Variants in ZC3H12B observed in about 807,000 individuals in gnomAD.
The protein encoded by ZC3H12B is zinc finger CCCH-type containing 12B.
Under a neutral mutation model 43.9 loss-of-function variants are expected in ZC3H12B, and 7 were observed. That is an observed-to-expected ratio of 0.16 (90% confidence interval 0.09 to 0.30). ZC3H12B has a LOEUF of 0.30. Ranked by LOEUF, ZC3H12B falls within the 10% of genes least tolerant of loss-of-function variation. ZC3H12B has a pLI of 1.00. For missense variants in ZC3H12B, 475 were observed against 670.2 expected, an observed-to-expected ratio of 0.71 and a Z score of 3.22; for synonymous variants, 222 against 241.7, an observed-to-expected ratio of 0.92 and a Z score of 0.76.
At chrX:65,468,384 A>T (rs1170122071) in intron 3 of ZC3H12B, among the ~76,000 whole-genome samples, 5 of 111,319 alleles carry the variant, frequency 4.5e-5, no homozygotes, top group Non-Finnish European at 7.5e-5. Context: ...AAGTCAGATA[A>T]TGTGATGCTT....
chrX:65,115,932 T>TAAAA, the ZC3H12B span, among the ~76,000 whole-genome samples: 25 of 111,476 alleles, frequency 2.2e-4, no homozygotes, highest in East Asian at 5.7e-4. Flanking sequence ...GAGTTCCTTT[T>TAAAA]AGATTCTTGA....
the ZC3H12B span, among the ~76,000 whole-genome samples, chrX:65,150,963 T>C: frequency 8.9e-6 from 1 of 111,978 alleles, no homozygotes; most frequent in African/African-American, 3.2e-5. Context: ...TGAGGTTTTA[T>C]TCTGATCTCT....
At chrX:65,502,366 C>T (rs1487661947) in exon 5 of ZC3H12B, 9 of 1,211,475 alleles carry the variant, frequency 7.4e-6, no homozygotes, top group Non-Finnish European at 8.9e-6. Flanking sequence ...CCAAACTGAA[C>T]ATCAACAGCA....
At chrX:65,145,760 A>T in the ZC3H12B span, among the ~76,000 whole-genome samples, 2 of 111,626 alleles carry the variant, frequency 1.8e-5, no homozygotes, top group African/African-American at 6.5e-5. Context: ...TTTGCTGGGT[A>T]CAAAATCCTT....
At chrX:65,085,287 G>T in the ZC3H12B span, among the ~76,000 whole-genome samples, 9 of 111,588 alleles carry the variant, frequency 8.1e-5, no homozygotes, top group Non-Finnish European at 1.3e-4. Flanking sequence ...GTAACACAAA[G>T]AATAAATACT....
chrX:65,289,255 A>G, the ZC3H12B span, among the ~76,000 whole-genome samples: 1 of 111,027 alleles, frequency 9.0e-6, no homozygotes, highest in Non-Finnish European at 1.9e-5. Flanking sequence ...AAAAATTCAC[A>G]TGGAACACAA....
chrX:65,436,927 T>A (rs2067228713), intron 3 of ZC3H12B, among the ~76,000 whole-genome samples: 2 of 110,735 alleles, frequency 1.8e-5, no homozygotes, highest in African/African-American at 6.6e-5. Context: ...AAATACTAGA[T>A]CTTATTCATT....
chrX:65,115,227 C>T, the ZC3H12B span, among the ~76,000 whole-genome samples: 1 of 107,958 alleles, frequency 9.3e-6, no homozygotes, highest in Non-Finnish European at 1.9e-5. Flanking sequence ...CCCGAGTCCC[C>T]AAAGTCCAAT....
At chrX:65,373,256 G>T (rs2066272539) in intron 2 of ZC3H12B, among the ~76,000 whole-genome samples, 1 of 111,940 alleles carries the variant, frequency 8.9e-6, no homozygotes, top group African/African-American at 3.2e-5. Context: ...TGCTGGAGAG[G>T]ATGTGGAGAA....
the ZC3H12B span, among the ~76,000 whole-genome samples, chrX:65,295,867 C>A: frequency 1.8e-5 from 2 of 110,901 alleles, no homozygotes; most frequent in African/African-American, 6.5e-5. Context: ...GAAATAGAAT[C>A]TCTTAACAGA....
chrX:65,155,506 CTT>C, the ZC3H12B span, among the ~76,000 whole-genome samples: 1 of 110,914 alleles, frequency 9.0e-6, no homozygotes, highest in Non-Finnish European at 1.9e-5. Flanking sequence ...GTGGGTTTTC[CTT>C]TGTCATTTAG....
chrX:65,079,201 G>A, the ZC3H12B span, among the ~76,000 whole-genome samples: 8 of 112,890 alleles, frequency 7.1e-5, no homozygotes, highest in African/African-American at 1.9e-4. Context: ...CTCAGTGGCA[G>A]TACAAGAGAA....
chrX:65,099,319 C>T, the ZC3H12B span, among the ~76,000 whole-genome samples: 1 of 111,954 alleles, frequency 8.9e-6, no homozygotes, highest in South Asian at 3.8e-4. Flanking sequence ...CCTGCCAGCT[C>T]TGAAAAGAGC....
At chrX:65,104,397 G>T in the ZC3H12B span, among the ~76,000 whole-genome samples, 1 of 111,958 alleles carries the variant, frequency 8.9e-6, no homozygotes, top group Non-Finnish European at 1.9e-5. Context: ...GGCAACAAAA[G>T]CCAAAATTGA....
intron 3 of ZC3H12B, among the ~76,000 whole-genome samples, chrX:65,450,694 CAT>C (rs202140501): frequency 0.049 from 124 of 2,550 alleles, 27 homozygotes; most frequent in East Asian, 0.35. Context: ...TATATGTATA[CAT>C]ATGTGTATAT....
the ZC3H12B span, among the ~76,000 whole-genome samples, chrX:65,302,838 C>T: frequency 9.0e-6 from 1 of 111,555 alleles, no homozygotes; most frequent in East Asian, 2.8e-4. Flanking sequence ...AATGGAAAAC[C>T]TGTAAATAAA....
At chrX:65,118,189 C>T in the ZC3H12B span, among the ~76,000 whole-genome samples, 1 of 111,760 alleles carries the variant, frequency 8.9e-6, no homozygotes, top group Non-Finnish European at 1.9e-5. Flanking sequence ...TCTTCCTAAA[C>T]AGGAGCATGG....
At chrX:65,229,231 A>G in the ZC3H12B span, among the ~76,000 whole-genome samples, 2 of 111,189 alleles carry the variant, frequency 1.8e-5, no homozygotes, top group African/African-American at 6.6e-5. Flanking sequence ...ATAACACCTC[A>G]TATCTACAAC....
chrX:65,440,449 A>G (rs1460181879), intron 3 of ZC3H12B, among the ~76,000 whole-genome samples: 1 of 112,532 alleles, frequency 8.9e-6, no homozygotes, highest in Non-Finnish European at 1.9e-5. Flanking sequence ...TACCTCAATT[A>G]CAGCTACAAG....
Sources: allele counts gnomAD v4.1 joint callset (sites outside exome capture counted in the v4.1 genomes callset), GRCh38; gene constraint gnomAD v4.1.1; transcripts MANE v1.5; gene names NCBI Gene and HGNC (gene_info 2026-07-23, HGNC 2026-07-21).